GINM1: variants seen among roughly 807,000 people sequenced by gnomAD.
GINM1 encodes the protein glycosylated integral membrane protein 1.
In GINM1, 29 loss-of-function variants were observed where a neutral mutation model predicts 37.8. The ratio of observed to expected loss-of-function variants is 0.77; its 90% CI spans 0.57 to 1.05. GINM1 has a LOEUF of 1.05. Ranked by LOEUF, GINM1 falls within the 50% of genes least tolerant of loss-of-function variation. The pLI is 0.00. For missense variants in GINM1, 377 were observed against 397.9 expected, an observed-to-expected ratio of 0.95 and a Z score of 0.45; for synonymous variants, 143 against 146.2, an observed-to-expected ratio of 0.98 and a Z score of 0.16.
chr6:149,583,525 A>C (rs978098969), intron 7 of GINM1, among the ~76,000 whole-genome samples: 22 of 151,462 alleles, frequency 1.5e-4, no homozygotes, highest in Non-Finnish European at 2.6e-4. Flanking sequence ...GCTTCTTGGG[A>C]GGCTGAGGCA....
intron 7 of GINM1, among the ~76,000 whole-genome samples, chr6:149,583,627 C>G (rs1778031919): frequency 3.0e-5 from 4 of 132,888 alleles, no homozygotes; most frequent in Non-Finnish European, 4.7e-5. Context: ...AACTCCCTCT[C>G]GAAAAAAAAA....
At chr6:149,573,067 A>C (rs909541634) in intron 3 of GINM1, among the ~76,000 whole-genome samples, 3 of 152,208 alleles carry the variant, frequency 2.0e-5, no homozygotes, top group African/African-American at 7.2e-5. Context: ...TCACGCCTGT[A>C]ATCCCAACAC....
At chr6:149,577,242 T>C (rs562517803) in intron 3 of GINM1, 2 of 152,386 alleles carry the variant, frequency 1.3e-5, no homozygotes, top group African/African-American at 4.8e-5. Flanking sequence ...TCTCACCCAT[T>C]GAGTCTCCTG....
At chr6:149,569,011 T>TATTTTTA (rs1325292255) in intron 1 of GINM1, among the ~76,000 whole-genome samples, 1 of 151,578 alleles carries the variant, frequency 6.6e-6, no homozygotes, top group Non-Finnish European at 1.5e-5. Context: ...TTTGTATTTT[T>TATTTTTA]ATTTTTATTT....
At chr6:149,582,793 A>G (rs1383334398) in intron 7 of GINM1, among the ~76,000 whole-genome samples, 190 bp downstream of exon 7, 1 of 152,196 alleles carries the variant, frequency 6.6e-6, no homozygotes, top group Non-Finnish European at 1.5e-5. Context: ...TTGAATAGCT[A>G]TTGTGATCAA....
At chr6:149,570,637 T>C (rs1477669079) in intron 1 of GINM1, among the ~76,000 whole-genome samples, 1 of 152,194 alleles carries the variant, frequency 6.6e-6, no homozygotes, top group Non-Finnish European at 1.5e-5. Flanking sequence ...ATCAGTCTTA[T>C]TCTCTCATTT....
At chr6:149,575,204 G>T (rs189191359) in intron 3 of GINM1, among the ~76,000 whole-genome samples, 28 of 152,196 alleles carry the variant, frequency 1.8e-4, no homozygotes, top group Admixed American at 1.7e-3. Flanking sequence ...CTCCTGCCTT[G>T]CCCTCACACA....
chr6:149,570,139 TATATATATATATATATATATATA>T (rs1777790452), intron 1 of GINM1, among the ~76,000 whole-genome samples: 2 of 2,794 alleles, frequency 7.2e-4, no homozygotes, highest in South Asian at 0.012. Flanking sequence ...GTAGGTTTTA[TATATATATATATATATATATATA>T]TATATATATA....
intron 1 of GINM1, among the ~76,000 whole-genome samples, chr6:149,568,384 A>G (rs1777754841): frequency 6.6e-6 from 1 of 152,246 alleles, no homozygotes; most frequent in South Asian, 2.1e-4. Flanking sequence ...AACATTTCCA[A>G]TAGGAAAGAA....
rs1467925237 is a variant in GINM1, at chr6:149,578,973, A to T, written c.429A>T (p.Gln143His). ...AGGTAGTAGAGATTGATGGAAAACA[A>T]GTAAGATAGTATGTTTATTAATTGG... ...QEEVVEIDGK[Q>H]VQQKDVTEID... The change falls in exon 4 of 8, where the codon CAA (glutamine) becomes CAT (histidine). Residue 143 changes from glutamine (Q) to histidine (H), a missense_variant and splice_region_variant. By Grantham distance (24) the Gln-to-His change is conservative. Transcript: ENST00000367419. 4 of 1,542,886 alleles carry T rather than the reference A, an allele frequency of 2.6e-6. No homozygotes were observed. Among genetic ancestry groups the T allele is most frequent in the Non-Finnish European group, 3.6e-6 (4 of 1,125,132 alleles).
chr6:149,588,408 CT>C (rs1303352241), intron 7 of GINM1, among the ~76,000 whole-genome samples: 1 of 152,194 alleles, frequency 6.6e-6, no homozygotes, highest in East Asian at 1.9e-4. Flanking sequence ...TATAAGAGCT[CT>C]TTTGTCTGTT....
At chr6:149,575,758 G>T (rs1777904780) in intron 3 of GINM1, among the ~76,000 whole-genome samples, 1 of 152,178 alleles carries the variant, frequency 6.6e-6, no homozygotes, top group African/African-American at 2.4e-5. Flanking sequence ...AGCTAAGAAA[G>T]GAAGTGCTAG....
chr6:149,588,979 ATT>A (rs1172522323), intron 7 of GINM1, among the ~76,000 whole-genome samples: 1 of 151,918 alleles, frequency 6.6e-6, no homozygotes, highest in African/African-American at 2.4e-5. Flanking sequence ...CAATTTTTGT[ATT>A]TTTAGTAGAG....
At chr6:149,580,485 T>C in intron 5 of GINM1, 108 bp from the exon 6 acceptor site, 1 of 964,214 alleles carries the variant, frequency 1.0e-6, no homozygotes, top group Non-Finnish European at 1.5e-6. Flanking sequence ...TTTTCTCCCA[T>C]GGTAAAATAT....
At chr6:149,568,063 C>T (rs1314802000) in intron 1 of GINM1, among the ~76,000 whole-genome samples, 1 of 152,204 alleles carries the variant, frequency 6.6e-6, no homozygotes, top group African/African-American at 2.4e-5. Context: ...TTTCAGTTCT[C>T]CCTTCTTGGG....
At chr6:149,572,921 C>T (rs1208645566) in intron 3 of GINM1, among the ~76,000 whole-genome samples, 2 of 152,200 alleles carry the variant, frequency 1.3e-5, no homozygotes, top group Non-Finnish European at 2.9e-5. Context: ...CCTCCTCTGC[C>T]TCTCAAAGTG....
chr6:149,570,142 AT>A (rs1423932606), intron 1 of GINM1, among the ~76,000 whole-genome samples: 1 of 4,602 alleles, frequency 2.2e-4, no homozygotes, highest in African/African-American at 3.3e-4. Context: ...GGTTTTATAT[AT>A]ATATATATAT....
At chr6:149,573,375 G>T (rs891834101) in intron 3 of GINM1, among the ~76,000 whole-genome samples, 6 of 152,244 alleles carry the variant, frequency 3.9e-5, no homozygotes, top group Middle Eastern at 3.4e-3. Context: ...GCTGCAGTGA[G>T]CTATAATCAT....
intron 1 of GINM1, among the ~76,000 whole-genome samples, chr6:149,568,146 C>T (rs956431994): frequency 9.2e-5 from 14 of 152,200 alleles, no homozygotes; most frequent in African/African-American, 3.4e-4. Flanking sequence ...CAGTGGCTCA[C>T]GCCTGTAATC....
Sources: allele counts gnomAD v4.1 joint callset (sites outside exome capture counted in the v4.1 genomes callset), GRCh38; gene constraint gnomAD v4.1.1; transcripts MANE v1.5; gene names NCBI Gene and HGNC (gene_info 2026-07-23, HGNC 2026-07-21).